FBXL20: variants seen among roughly 807,000 people sequenced by gnomAD.
FBXL20 encodes F-box/LRR-repeat protein 20.
In FBXL20, 11 loss-of-function variants were observed where a neutral mutation model predicts 64.0. The observed-to-expected ratio is 0.17, with a 90% CI of 0.11 to 0.28. The LOEUF is 0.28. Among genes scored for constraint, FBXL20 ranks in the 10% least tolerant of loss-of-function variants. The probability of loss-of-function intolerance (pLI) is 1.00; values close to 1 mark genes in which losing one functional copy is unlikely to be tolerated. For missense variants in FBXL20, 303 were observed against 526.2 expected (o/e 0.58, Z 4.15); for synonymous variants, 184 against 189.0 (o/e 0.97, Z 0.22).
At chr17:39,318,395 A>G (rs1278222672) in intron 2 of FBXL20, among the ~76,000 whole-genome samples, 2 of 152,282 alleles carry the variant, frequency 1.3e-5, no homozygotes, top group Non-Finnish European at 2.9e-5. Context: ...CTTAACCTTA[A>G]AAGTGTTCTG....
chr17:39,390,404 T>C (rs549967962), intron 1 of FBXL20, among the ~76,000 whole-genome samples: 1 of 151,708 alleles, frequency 6.6e-6, no homozygotes, highest in Non-Finnish European at 1.5e-5. Context: ...CTACTAAAAA[T>C]ACAAAAATTA....
chr17:39,339,603 A>C (rs1041025675), intron 2 of FBXL20, among the ~76,000 whole-genome samples: 24 of 152,172 alleles, frequency 1.6e-4, no homozygotes, highest in Non-Finnish European at 1.9e-4. Flanking sequence ...CAAAAAAAGA[A>C]TACTACCGTA....
chr17:39,363,810 C>CAAAAAAAAAAAAACAA (rs1567896911), intron 1 of FBXL20, among the ~76,000 whole-genome samples: 2 of 26,668 alleles, frequency 7.5e-5, no homozygotes, highest in African/African-American at 2.4e-4. Context: ...GACTTTATCT[C>CAAAAAAAAAAAAACAA]AAAAAAAAAA....
Position 39,254,961 on chromosome 17 carries a change from T to C in FBXL20, c.*6499A>G, listed in dbSNP as rs941996192. ...CTTATTTAAAAACAAGAGGCAGAGA[T>C]GGAAGAAGCGCATATGGACTTTCTC... is the stretch of plus-strand genomic sequence containing the variant. On this transcript the variant is annotated 3_prime_UTR_variant, in exon 15 of 15. Coordinates refer to ENST00000264658, the MANE Select transcript of FBXL20 (RefSeq NM_032875.3). 3.3e-5 allele frequency: 5 copies of C among 152,522 alleles called. No individual in the cohort carries two copies. The highest frequency in any genetic ancestry group is 1.3e-4 in the Admixed American group (2 of 15,282). 9.4% of individuals were successfully genotyped at this position (152,522 alleles called of 1,614,324 possible).
At chr17:39,349,818 C>T (rs2144587503) in intron 1 of FBXL20, among the ~76,000 whole-genome samples, 1 of 152,096 alleles carries the variant, frequency 6.6e-6, no homozygotes, top group East Asian at 1.9e-4. Context: ...CGCTTGTAGT[C>T]CCAGCTACTC....
intron 9 of FBXL20, among the ~76,000 whole-genome samples, chr17:39,279,092 C>T (rs1045258389): frequency 6.6e-6 from 1 of 151,872 alleles, no homozygotes; most frequent in African/African-American, 2.4e-5. Flanking sequence ...TGCAGAGAGC[C>T]GAGATCGCAC....
At chr17:39,396,071 G>GAA (rs71300072) in intron 1 of FBXL20, among the ~76,000 whole-genome samples, 3,065 of 108,884 alleles carry the variant, frequency 0.028, 50 homozygotes, top group African/African-American at 0.033. Flanking sequence ...AAGACTTTTC[G>GAA]AAAAAAAAAA....
chr17:39,374,535 C>T (rs1013568880), intron 1 of FBXL20, among the ~76,000 whole-genome samples: 2 of 150,402 alleles, frequency 1.3e-5, no homozygotes, highest in African/African-American at 4.9e-5. Flanking sequence ...AGCGAGACTC[C>T]ATCTCAAAAA....
intron 2 of FBXL20, among the ~76,000 whole-genome samples, chr17:39,335,203 ATAAC>A (rs1198506109): frequency 6.6e-6 from 1 of 152,120 alleles, no homozygotes; most frequent in East Asian, 1.9e-4. Context: ...TCTTAACTGA[ATAAC>A]TGTCTTTGTT....
Position 39,261,378 on chromosome 17 carries a change from G to A in FBXL20, c.*82C>T. 1 of 1,130,892 alleles carries A rather than the reference G, an allele frequency of 8.8e-7. No individual in the cohort carries two copies. Among genetic ancestry groups the A allele is most frequent in the African/African-American group, 1.5e-5 (1 of 65,442 alleles). The allele number at this position is 1,130,892 out of a possible 1,614,324, so 70.1% of individuals were successfully genotyped here. On this transcript the variant is annotated 3_prime_UTR_variant, in exon 15 of 15. Transcript: ENST00000264658. ...TGTAACCCTTGCTCAGAACACTGGG[G>A]TTGCTTCCACTGGAGAGACTCCACG...
intron 3 of FBXL20, among the ~76,000 whole-genome samples, 180 bp from the exon 4 acceptor site, chr17:39,301,255 T>C (rs1485778704): frequency 6.6e-6 from 1 of 152,152 alleles, no homozygotes; most frequent in African/African-American, 2.4e-5. Flanking sequence ...ATTCTCCAAT[T>C]AGATAATCTC....
chr17:39,268,489 A>G (rs1020267057), intron 12 of FBXL20, among the ~76,000 whole-genome samples: 1 of 152,240 alleles, frequency 6.6e-6, no homozygotes, highest in Non-Finnish European at 1.5e-5. Flanking sequence ...AAAGCTAAAG[A>G]AAGGCAGTGC....
intron 2 of FBXL20, among the ~76,000 whole-genome samples, chr17:39,325,124 C>T (rs1261158360): frequency 6.6e-6 from 1 of 152,134 alleles, no homozygotes; most frequent in Admixed American, 6.6e-5. Flanking sequence ...GAGAGGATCA[C>T]CTGACCCTGG....
At chr17:39,386,089 A>C (rs7218074) in intron 1 of FBXL20, among the ~76,000 whole-genome samples, 46,894 of 149,414 alleles carry the variant, frequency 0.31, 8,208 homozygotes, top group African/African-American at 0.47. Context: ...TCACACCTGT[A>C]ATCTCAGCAC....
chr17:39,361,751 C>T (rs908015568), intron 1 of FBXL20, among the ~76,000 whole-genome samples: 2 of 151,184 alleles, frequency 1.3e-5, no homozygotes, highest in African/African-American at 4.9e-5. Context: ...GAGCCGAGAT[C>T]GCACCACTGC....
At chr17:39,393,878 T>C (rs1458596693) in intron 1 of FBXL20, among the ~76,000 whole-genome samples, 3 of 152,264 alleles carry the variant, frequency 2.0e-5, no homozygotes, top group African/African-American at 7.2e-5. Flanking sequence ...ATAAAAGTTA[T>C]ACAACTAAGC....
At chr17:39,384,605 A>G (rs2048059235) in intron 1 of FBXL20, among the ~76,000 whole-genome samples, 2 of 152,138 alleles carry the variant, frequency 1.3e-5, no homozygotes. Flanking sequence ...GTGGAGAAGA[A>G]GAGGTGCTAA....
chr17:39,320,565 G>C (rs1208197160), intron 2 of FBXL20, among the ~76,000 whole-genome samples: 1 of 151,318 alleles, frequency 6.6e-6, no homozygotes, highest in Non-Finnish European at 1.5e-5. Flanking sequence ...ATTTCTGATA[G>C]TGCCCTGTCC....
chr17:39,300,893 T>C, intron 4 of FBXL20, 108 bp downstream of exon 4: 2 of 1,051,912 alleles, frequency 1.9e-6, no homozygotes, highest in Admixed American at 5.3e-5. Context: ...GCACTGAAAA[T>C]AATAGTTCCT....
Sources: gnomAD v4.1 joint callset for allele counts (sites outside exome capture counted in the v4.1 genomes callset) on GRCh38, gnomAD v4.1.1 for gene constraint, MANE v1.5 for transcripts, NCBI Gene and HGNC (gene_info 2026-07-23, HGNC 2026-07-21) for gene names.